KLHL1: variants seen among roughly 807,000 people sequenced by gnomAD.
KLHL1 encodes kelch like family member 1, also known as kelch-like protein 1.
In KLHL1, 47 loss-of-function variants were observed where a neutral mutation model predicts 77.7. The ratio of observed to expected loss-of-function variants is 0.60; its 90% CI spans 0.48 to 0.77. The LOEUF is 0.77. KLHL1 is among the 30% of genes least tolerant of loss of function. The pLI is 0.00. For missense variants in KLHL1, 925 were observed against 910.8 expected, an observed-to-expected ratio of 1.02 and a Z score of -0.20; for synonymous variants, 360 against 325.2, an observed-to-expected ratio of 1.11 and a Z score of -1.15.
rs528688651 is a variant in KLHL1 at position 69,927,495 on chromosome 13, G to A, written c.1014+12545C>T. 2.7e-4 allele frequency among the ~76,000 whole-genome samples: 41 copies of A among 151,976 alleles called. 1 individual carries two copies. The highest frequency in any genetic ancestry group is 5.2e-4 in the Non-Finnish European group (35 of 67,956). ...AGCGACCCACAAAATTTAAGAAAAG[G>A]TTTGCAAATCATATAGTTGATACGA... is the stretch of plus-strand genomic sequence containing the variant. On this transcript the variant is annotated intron_variant, in intron 4 of 10. Coordinates refer to ENST00000377844, the MANE Select transcript of KLHL1 (RefSeq NM_020866.3).
chr13:70,022,248 C>A (rs1320976522), intron 1 of KLHL1, among the ~76,000 whole-genome samples: 1 of 150,532 alleles, frequency 6.6e-6, no homozygotes, highest in Non-Finnish European at 1.5e-5. Flanking sequence ...CCTCTTTGCT[C>A]TTTTTTCAAA....
At chr13:69,934,980 ATATATATATG>A (rs1175694072) in intron 4 of KLHL1, among the ~76,000 whole-genome samples, 2 of 135,158 alleles carry the variant, frequency 1.5e-5, no homozygotes, top group African/African-American at 6.2e-5. Flanking sequence ...ATATATATAT[ATATATATATG>A]TATATATATA....
chr13:69,791,745 T>A (rs1175031473), intron 7 of KLHL1, among the ~76,000 whole-genome samples: 1 of 152,166 alleles, frequency 6.6e-6, no homozygotes, highest in African/African-American at 2.4e-5. Flanking sequence ...AGAACTGCTA[T>A]CTCATGACAA....
intron 1 of KLHL1, among the ~76,000 whole-genome samples, chr13:70,015,411 C>G (rs1885633265): frequency 6.6e-6 from 1 of 152,132 alleles, no homozygotes; most frequent in Non-Finnish European, 1.5e-5. Context: ...CCTATGAGGT[C>G]TGTCATTGAC....
intron 1 of KLHL1, among the ~76,000 whole-genome samples, chr13:70,085,848 G>A (rs1325442746): frequency 6.6e-6 from 1 of 152,138 alleles, no homozygotes; most frequent in South Asian, 2.1e-4. Flanking sequence ...TGGAAACAGA[G>A]CAAGACTCTG....
intron 1 of KLHL1, among the ~76,000 whole-genome samples, chr13:70,034,460 A>G (rs1366980473): frequency 6.6e-6 from 1 of 152,184 alleles, no homozygotes; most frequent in African/African-American, 2.4e-5. Flanking sequence ...AATGGGACTC[A>G]GCAGTTAGTG....
intron 7 of KLHL1, among the ~76,000 whole-genome samples, chr13:69,780,062 C>A (rs1388903737): frequency 6.6e-6 from 1 of 152,124 alleles, no homozygotes; most frequent in Non-Finnish European, 1.5e-5. Context: ...CCCACCTTGG[C>A]CTTCCAAAGT....
In KLHL1 at chr13:70,046,043, G is replaced by A. The variant is rs534693374; in HGVS notation, c.497+61160C>T. 1.7e-3 allele frequency among the ~76,000 whole-genome samples: 264 copies of A among 152,204 alleles called. 1 individual carries two copies. Among genetic ancestry groups the A allele is most frequent in the African/African-American group, 6.2e-3 (258 of 41,528 alleles). ...TATCTACTCTCTTTCTCTAAAATGC[G>A]AAGTGGACATCATGTTGAATCTCCT... is the stretch of plus-strand genomic sequence containing the variant. On this transcript the variant is annotated intron_variant, in intron 1 of 10. Transcript: ENST00000377844.
chr13:70,001,775 G>A (rs1308270658), intron 1 of KLHL1, among the ~76,000 whole-genome samples: 3 of 151,248 alleles, frequency 2.0e-5, no homozygotes, highest in African/African-American at 7.3e-5. Context: ...TATGTCAGTA[G>A]ACCATGAAAT....
intron 7 of KLHL1, among the ~76,000 whole-genome samples, chr13:69,777,249 T>C (rs1875878487): frequency 2.0e-5 from 3 of 152,152 alleles, no homozygotes; most frequent in African/African-American, 7.2e-5. Context: ...TAAACCTCTT[T>C]TTCTTTTTAA....
intron 6 of KLHL1, among the ~76,000 whole-genome samples, chr13:69,812,462 A>G (rs977563276): frequency 1.1e-4 from 17 of 152,320 alleles, no homozygotes; most frequent in African/African-American, 3.6e-4. Flanking sequence ...ACAAAAGCCA[A>G]AATTGACAAA....
intron 4 of KLHL1, among the ~76,000 whole-genome samples, chr13:69,896,839 T>G (rs2138219052): frequency 6.6e-6 from 1 of 151,934 alleles, no homozygotes; most frequent in South Asian, 2.1e-4. Context: ...ACCTGGCTAA[T>G]TTTTGTATTT....
intron 7 of KLHL1, among the ~76,000 whole-genome samples, chr13:69,761,768 G>T (rs915703476): frequency 6.6e-6 from 1 of 152,140 alleles, no homozygotes; most frequent in Admixed American, 6.5e-5. Context: ...GACTCATGGG[G>T]AGTCTCAATG....
chr13:70,051,427 T>C (rs1214188927), intron 1 of KLHL1, among the ~76,000 whole-genome samples: 2 of 152,016 alleles, frequency 1.3e-5, no homozygotes, highest in Admixed American at 6.6e-5. Context: ...TCTAGAGTTC[T>C]TTCTGCATAG....
At chr13:70,064,116 G>A (rs79384385) in intron 1 of KLHL1, among the ~76,000 whole-genome samples, 2,328 of 152,092 alleles carry the variant, frequency 0.015, 65 homozygotes, top group African/African-American at 0.051. Flanking sequence ...ATCAATAATT[G>A]TCTATGAGGA....
chr13:69,965,903 G>A (rs1884197894), intron 2 of KLHL1, among the ~76,000 whole-genome samples: 1 of 152,126 alleles, frequency 6.6e-6, no homozygotes, highest in Non-Finnish European at 1.5e-5. Flanking sequence ...GGCTGAGAGA[G>A]GTGACGAAAC....
chr13:70,061,200 T>C (rs1254472315), intron 1 of KLHL1, among the ~76,000 whole-genome samples: 6 of 152,178 alleles, frequency 3.9e-5, no homozygotes, highest in Non-Finnish European at 8.8e-5. Context: ...GTTTACAGTG[T>C]AGAATTCTTG....
intron 3 of KLHL1, among the ~76,000 whole-genome samples, chr13:69,952,470 A>G (rs1244935397): frequency 6.6e-6 from 1 of 151,358 alleles, no homozygotes; most frequent in Non-Finnish European, 1.5e-5. Context: ...TTAGAGAAGA[A>G]AATATGGGGT....
At chr13:69,895,340 A>G (rs548518499) in intron 4 of KLHL1, among the ~76,000 whole-genome samples, 2 of 152,102 alleles carry the variant, frequency 1.3e-5, no homozygotes, top group East Asian at 3.9e-4. Flanking sequence ...CAGTATCATG[A>G]CCCCCACTCT....
Sources: allele counts gnomAD v4.1 joint callset (sites outside exome capture counted in the v4.1 genomes callset), GRCh38; gene constraint gnomAD v4.1.1; transcripts MANE v1.5; gene names NCBI Gene and HGNC (gene_info 2026-07-23, HGNC 2026-07-21).